The following TMEM150C variants were observed in gnomAD, a reference collection of about 807,000 sequenced individuals.
The protein encoded by TMEM150C is transmembrane protein 150C, also known as tentonin 3.
TMEM150C carries 10 observed loss-of-function variants against 29.9 expected under a neutral mutation model. The ratio of observed to expected loss-of-function variants is 0.33; its 90% CI spans 0.21 to 0.57. The LOEUF is 0.57. Among genes scored for constraint, TMEM150C ranks in the 20% least tolerant of loss-of-function variants. TMEM150C has a pLI of 0.88. For synonymous variants in TMEM150C, 101 were observed against 112.5 expected, an observed-to-expected ratio of 0.90 and a Z score of 0.64; for missense variants, 251 against 303.6, an observed-to-expected ratio of 0.83 and a Z score of 1.29.
At chr4:82,490,917 T>G in intron 6 of TMEM150C, 1 of 717,040 alleles carries the variant, frequency 1.4e-6, no homozygotes, top group Non-Finnish European at 2.6e-6. Flanking sequence ...GCCTCCCCAG[T>G]GATGGCGGAT....
chr4:82,497,588 T>C (rs60496481), intron 5 of TMEM150C, among the ~76,000 whole-genome samples: 2,066 of 152,316 alleles, frequency 0.014, 49 homozygotes, highest in African/African-American at 0.048. Context: ...AGAAACAAAA[T>C]AGAGATAAAT....
At chr4:82,543,776 C>A (rs935666753) in intron 1 of TMEM150C, among the ~76,000 whole-genome samples, 5 of 152,152 alleles carry the variant, frequency 3.3e-5, no homozygotes, top group Non-Finnish European at 1.5e-5. Flanking sequence ...TGGAATAAAC[C>A]ATTCACATAG....
intron 1 of TMEM150C, among the ~76,000 whole-genome samples, chr4:82,538,218 T>C (rs1725076119): frequency 6.6e-6 from 1 of 152,072 alleles, no homozygotes; most frequent in Non-Finnish European, 1.5e-5. Context: ...CCACCACGCC[T>C]GGCTAATTTT....
At chr4:82,553,202 C>T (rs1465972128) in intron 1 of TMEM150C, among the ~76,000 whole-genome samples, 1 of 152,056 alleles carries the variant, frequency 6.6e-6, no homozygotes, top group Non-Finnish European at 1.5e-5. Context: ...ACTTTATTTA[C>T]AAAATAGCTG....
chr4:82,492,039 G>A (rs1185560151), intron 6 of TMEM150C, among the ~76,000 whole-genome samples: 5 of 148,324 alleles, frequency 3.4e-5, no homozygotes, highest in African/African-American at 1.3e-4. Flanking sequence ...GGGTTCAAGC[G>A]ATTCTTCTGC....
At chr4:82,540,542 T>C (rs952773689) in intron 1 of TMEM150C, among the ~76,000 whole-genome samples, 7 of 152,116 alleles carry the variant, frequency 4.6e-5, no homozygotes, top group Admixed American at 3.9e-4. Context: ...TTGCATCTTA[T>C]TGCTTTTTAT....
chr4:82,488,667 G>A (rs1723236160), intron 7 of TMEM150C, among the ~76,000 whole-genome samples: 1 of 152,048 alleles, frequency 6.6e-6, no homozygotes. Context: ...AGGCTGGATT[G>A]CAGTGGCATG....
At chr4:82,549,825 G>T (rs1226909940) in intron 1 of TMEM150C, among the ~76,000 whole-genome samples, 1 of 152,088 alleles carries the variant, frequency 6.6e-6, no homozygotes. Context: ...TTATTTTTTA[G>T]AATGTAAGAA....
intron 7 of TMEM150C, among the ~76,000 whole-genome samples, chr4:82,487,929 ATATTTATT>A (rs941375966): frequency 6.6e-6 from 1 of 151,508 alleles, no homozygotes; most frequent in African/African-American, 2.4e-5. Context: ...CTTTTTATTT[ATATTTATT>A]TATTTATTTA....
intron 1 of TMEM150C, among the ~76,000 whole-genome samples, chr4:82,556,705 A>T (rs1025915635): frequency 1.3e-5 from 2 of 152,134 alleles, no homozygotes; most frequent in Non-Finnish European, 2.9e-5. Flanking sequence ...AACAATAAAA[A>T]GTTAAATAAG....
chr4:82,516,915 G>A (rs930402972), intron 1 of TMEM150C, among the ~76,000 whole-genome samples: 1 of 152,188 alleles, frequency 6.6e-6, no homozygotes, highest in African/African-American at 2.4e-5. Context: ...GGGGAAGGTT[G>A]TACATCATCC....
chr4:82,515,846 C>T (rs971112210), intron 1 of TMEM150C, among the ~76,000 whole-genome samples: 7 of 151,980 alleles, frequency 4.6e-5, no homozygotes, highest in East Asian at 1.9e-4. Context: ...CAAATCTGTA[C>T]GGCAGCCTGA....
chr4:82,561,546 A>ACGCGGC (rs1725927823), intron 1 of TMEM150C, among the ~76,000 whole-genome samples: 1 of 150,186 alleles, frequency 6.7e-6, no homozygotes, highest in African/African-American at 2.4e-5. Context: ...CTGTCAAAGG[A>ACGCGGC]CGGGGCCGGG....
chr4:82,496,263 CTATTAT>C (rs1485966864), intron 5 of TMEM150C, 68 bp from the exon 6 acceptor site: 22 of 1,417,238 alleles, frequency 1.6e-5, no homozygotes, highest in Non-Finnish European at 2.1e-5. Context: ...AGGCAGAATT[CTATTAT>C]TATTATTTTT....
At chr4:82,533,476 A>T (rs1355029333) in intron 1 of TMEM150C, among the ~76,000 whole-genome samples, 1 of 152,098 alleles carries the variant, frequency 6.6e-6, no homozygotes, top group Non-Finnish European at 1.5e-5. Context: ...AAATATATCA[A>T]CTCTCACAGT....
At chr4:82,522,343 G>A (rs1024532531) in intron 1 of TMEM150C, among the ~76,000 whole-genome samples, 39 of 152,190 alleles carry the variant, frequency 2.6e-4, no homozygotes, top group African/African-American at 9.4e-4. Flanking sequence ...ATGGGAGTAA[G>A]CTCCAATAAC....
At position 82,484,441 on chromosome 4, in the gene TMEM150C, G is replaced by A. The variant is rs1223673086; in HGVS notation, c.*1070C>T. 1.3e-5 allele frequency: 2 copies of A among 150,770 alleles called. No homozygotes were observed. Among genetic ancestry groups the A allele is most frequent in the East Asian group, 3.9e-4 (2 of 5,148 alleles). The allele number at this position is 150,770 out of a possible 1,614,324, so 9.3% of individuals were successfully genotyped here. On this transcript the variant is annotated 3_prime_UTR_variant, in exon 8 of 8. Transcript: ENST00000449862. ...AAAAAAAAAACCCTACTAAATTTGA[G>A]CAAAAGATACATATTAACAAAGTCT... is the stretch of plus-strand genomic sequence containing the variant.
chr4:82,492,469 C>T (rs551735894), intron 6 of TMEM150C, among the ~76,000 whole-genome samples: 162 of 152,032 alleles, frequency 1.1e-3, no homozygotes, highest in African/African-American at 3.6e-3. Context: ...TTTATTTTCC[C>T]ATAGTAATAA....
chr4:82,551,711 C>T (rs1040300966), intron 1 of TMEM150C, among the ~76,000 whole-genome samples: 2 of 152,116 alleles, frequency 1.3e-5, no homozygotes, highest in South Asian at 2.1e-4. Context: ...CTATCCAGGG[C>T]GGCTGCCCCT....
Sources: gnomAD v4.1 joint callset for allele counts (sites outside exome capture counted in the v4.1 genomes callset) on GRCh38, gnomAD v4.1.1 for gene constraint, MANE v1.5 for transcripts, NCBI Gene and HGNC (gene_info 2026-07-23, HGNC 2026-07-21) for gene names.